The following NRG3 variants were observed in gnomAD, a reference collection of about 807,000 sequenced individuals.
NRG3 encodes pro-neuregulin-3, membrane-bound isoform.
In NRG3, 31 loss-of-function variants were observed where a neutral mutation model predicts 66.9. The ratio of observed to expected loss-of-function variants is 0.46; its 90% CI spans 0.35 to 0.63. NRG3 has a LOEUF of 0.63. Ranked by LOEUF, NRG3 falls within the 20% of genes least tolerant of loss-of-function variation. The pLI, the probability that NRG3 is intolerant of heterozygous loss-of-function variation, is 0.00. For synonymous variants in NRG3, 393 were observed against 359.4 expected, an observed-to-expected ratio of 1.09 and a Z score of -1.06; for missense variants, 910 against 878.9, an observed-to-expected ratio of 1.04 and a Z score of -0.45.
chr10:82,085,644 T>A (rs2065675766), intron 1 of NRG3, among the ~76,000 whole-genome samples: 1 of 152,030 alleles, frequency 6.6e-6, no homozygotes, highest in East Asian at 1.9e-4. Flanking sequence ...CCTCTTTTTT[T>A]TTTCTTTTTG....
chr10:82,330,866 T>C (rs2082108847), intron 1 of NRG3, among the ~76,000 whole-genome samples: 1 of 152,210 alleles, frequency 6.6e-6, no homozygotes, highest in Admixed American at 6.5e-5. Flanking sequence ...GGAATGATTC[T>C]GTTGTCCACT....
intron 6 of NRG3, among the ~76,000 whole-genome samples, chr10:82,960,867 A>G (rs1414896800): frequency 1.3e-5 from 2 of 151,728 alleles, no homozygotes; most frequent in Non-Finnish European, 2.9e-5. Flanking sequence ...ACCTACCCAA[A>G]CTTTATAAAA....
chr10:82,445,048 CCT>C (rs1337710610), intron 2 of NRG3, among the ~76,000 whole-genome samples: 9 of 152,128 alleles, frequency 5.9e-5, no homozygotes, highest in African/African-American at 9.7e-5. Context: ...TAATTAATAT[CCT>C]CTGTCTAACT....
chr10:82,400,235 C>A (rs1210920890), intron 2 of NRG3, among the ~76,000 whole-genome samples: 1 of 152,086 alleles, frequency 6.6e-6, no homozygotes, highest in Non-Finnish European at 1.5e-5. Context: ...AATACTACCA[C>A]TTATCAACCA....
chr10:82,036,399 T>A (rs147004685), intron 1 of NRG3, among the ~76,000 whole-genome samples: 1 of 152,226 alleles, frequency 6.6e-6, no homozygotes, highest in African/African-American at 2.4e-5. Flanking sequence ...CTAACAACCC[T>A]GCTAGGCACA....
intron 3 of NRG3, among the ~76,000 whole-genome samples, chr10:82,788,535 A>G (rs537372203): frequency 6.6e-6 from 1 of 152,194 alleles, no homozygotes; most frequent in South Asian, 2.1e-4. Flanking sequence ...GCACCACTGC[A>G]TGCCAGCCTG....
intron 2 of NRG3, among the ~76,000 whole-genome samples, chr10:82,721,329 G>A (rs12256836): frequency 0.01 from 1,530 of 150,676 alleles, 23 homozygotes; most frequent in African/African-American, 0.035. Flanking sequence ...TAGTAGAGGC[G>A]GTGTTTCACT....
chr10:81,894,569 C>T (rs911910604), intron 1 of NRG3, among the ~76,000 whole-genome samples: 1 of 152,082 alleles, frequency 6.6e-6, no homozygotes, highest in Non-Finnish European at 1.5e-5. Context: ...ACGGCCTCGA[C>T]ATATGAATGG....
rs565227349 is a variant in NRG3, at chr10:82,222,623, A to G, written c.824-136116A>G. Among the ~76,000 whole-genome samples, 38 of 152,320 alleles carry G rather than the reference A, an allele frequency of 2.5e-4. No homozygotes were observed. The South Asian group carries it at 7.7e-3, about 31-fold the overall frequency. On this transcript the variant is annotated intron_variant, in intron 1 of 8. Coordinates refer to ENST00000372141, the MANE Select transcript of NRG3 (RefSeq NM_001010848.4). ...CTTCAGATCAAGAACATTTTCTCTT[A>G]TAACATCTCTTGAATTGTTTGGGTT...
intron 1 of NRG3, among the ~76,000 whole-genome samples, chr10:81,935,220 G>A (rs1394430039): frequency 6.6e-6 from 1 of 152,112 alleles, no homozygotes; most frequent in Non-Finnish European, 1.5e-5. Flanking sequence ...TAGCCTATTT[G>A]GCACTAAGTA....
chr10:82,522,579 A>G (rs902549963), intron 2 of NRG3, among the ~76,000 whole-genome samples: 1 of 152,162 alleles, frequency 6.6e-6, no homozygotes, highest in Non-Finnish European at 1.5e-5. Flanking sequence ...GGAAGTGTGC[A>G]TATGTTGTTT....
intron 7 of NRG3, among the ~76,000 whole-genome samples, chr10:82,977,311 T>C: frequency 6.6e-6 from 1 of 152,186 alleles, no homozygotes; most frequent in Middle Eastern, 3.4e-3. Flanking sequence ...CACCATATAA[T>C]GAATGAAGGT....
intron 2 of NRG3, among the ~76,000 whole-genome samples, chr10:82,545,835 T>A (rs1470542079): frequency 7.2e-6 from 1 of 138,270 alleles, no homozygotes; most frequent in Non-Finnish European, 1.5e-5. Flanking sequence ...TCGCCCAGGC[T>A]GGAGTGCAGT....
At chr10:82,164,774 G>T (rs117997591) in intron 1 of NRG3, among the ~76,000 whole-genome samples, 1 of 152,236 alleles carries the variant, frequency 6.6e-6, no homozygotes, top group Non-Finnish European at 1.5e-5. Flanking sequence ...AGCTAGTTTG[G>T]GGAAGGAAAG....
intron 1 of NRG3, among the ~76,000 whole-genome samples, chr10:82,108,047 C>G (rs867543898): frequency 2.0e-4 from 30 of 152,212 alleles, no homozygotes; most frequent in African/African-American, 5.8e-4. Flanking sequence ...TGTGCATGGG[C>G]TTCCTGCCTG....
intron 1 of NRG3, among the ~76,000 whole-genome samples, chr10:82,048,950 C>G (rs1358236030): frequency 6.6e-6 from 1 of 151,988 alleles, no homozygotes; most frequent in East Asian, 1.9e-4. Context: ...TACAAACTAC[C>G]AACAGAGAAT....
At chr10:82,006,634 T>C (rs1263952882) in intron 1 of NRG3, among the ~76,000 whole-genome samples, 3 of 152,186 alleles carry the variant, frequency 2.0e-5, no homozygotes, top group Non-Finnish European at 2.9e-5. Context: ...TAAGGAGTTA[T>C]CTGATTTTTT....
chr10:82,205,069 T>C (rs1308628159), intron 1 of NRG3, among the ~76,000 whole-genome samples: 2 of 152,190 alleles, frequency 1.3e-5, no homozygotes, highest in Admixed American at 1.3e-4. Context: ...AGATATGCAA[T>C]AAGCAAATGG....
intron 2 of NRG3, among the ~76,000 whole-genome samples, chr10:82,466,202 T>G (rs2132012065): frequency 6.6e-6 from 1 of 152,214 alleles, no homozygotes; most frequent in South Asian, 2.1e-4. Context: ...TCTCTTCTAC[T>G]TGGTACAGCA....
Sources: gnomAD v4.1 joint callset for allele counts (sites outside exome capture counted in the v4.1 genomes callset) on GRCh38, gnomAD v4.1.1 for gene constraint, MANE v1.5 for transcripts, NCBI Gene and HGNC (gene_info 2026-07-23, HGNC 2026-07-21) for gene names.